The following PTN variants were observed in gnomAD, a reference collection of about 807,000 sequenced individuals.
The protein encoded by PTN is heparin affin regulatory protein.
In PTN, 18 loss-of-function variants were observed where a neutral mutation model predicts 24.1. The observed-to-expected ratio is 0.75, with a 90% confidence interval of 0.52 to 1.11. PTN has a LOEUF of 1.11. Ranked by LOEUF, PTN falls within the 50% of genes least tolerant of loss-of-function variation. The pLI is 0.00. For missense variants in PTN, 163 were observed against 198.8 expected (o/e 0.82, Z 1.08); for synonymous variants, 78 against 68.6 (o/e 1.14, Z -0.67).
chr7:137,293,839 A>G (rs1186955739), intron 1 of PTN, among the ~76,000 whole-genome samples: 2 of 152,102 alleles, frequency 1.3e-5, no homozygotes, highest in African/African-American at 4.8e-5. Flanking sequence ...CGTACATTCT[A>G]TGGATTTGGA....
intron 1 of PTN, among the ~76,000 whole-genome samples, chr7:137,325,051 G>A (rs1323485679): frequency 2.0e-5 from 3 of 152,158 alleles, no homozygotes; most frequent in African/African-American, 7.2e-5. Flanking sequence ...AAAGGAAACA[G>A]ATAAGGCAGA....
At chr7:137,306,965 C>T (rs891946411) in intron 1 of PTN, among the ~76,000 whole-genome samples, 2 of 151,960 alleles carry the variant, frequency 1.3e-5, no homozygotes, top group Non-Finnish European at 1.5e-5. Flanking sequence ...GCCAGTGCCT[C>T]GCATTCCTCA....
intron 4 of PTN, among the ~76,000 whole-genome samples, chr7:137,230,821 A>G (rs1808414387): frequency 6.6e-6 from 1 of 151,894 alleles, no homozygotes; most frequent in African/African-American, 2.4e-5. Context: ...TAGATGAAGA[A>G]ACTGAAACAT....
intron 1 of PTN, among the ~76,000 whole-genome samples, chr7:137,299,561 C>T (rs1202212873): frequency 6.6e-6 from 1 of 151,786 alleles, no homozygotes; most frequent in Non-Finnish European, 1.5e-5. Flanking sequence ...AAGAAGCTTT[C>T]CTCATGACAC....
chr7:137,278,319 AAAAAAAAAAAAAAAAAAAAT>A (rs1226569095), intron 1 of PTN, among the ~76,000 whole-genome samples: 1 of 147,528 alleles, frequency 6.8e-6, no homozygotes, highest in Non-Finnish European at 1.5e-5. Flanking sequence ...AAAAAAAAAA[AAAAAAAAAAAAAAAAAAAAT>A]GACTACTAAT....
intron 4 of PTN, among the ~76,000 whole-genome samples, chr7:137,230,257 A>G (rs576610949): frequency 3.3e-5 from 5 of 151,996 alleles, no homozygotes; most frequent in African/African-American, 1.2e-4. Context: ...TCTGTCACCA[A>G]ATTCTTCTTG....
intron 1 of PTN, among the ~76,000 whole-genome samples, chr7:137,307,136 C>T (rs1585037944): frequency 6.6e-6 from 1 of 152,162 alleles, no homozygotes; most frequent in South Asian, 2.1e-4. Context: ...AAAGTTTGGG[C>T]TTTGGTTCAT....
At chr7:137,237,050 A>G (rs191996320) in intron 4 of PTN, among the ~76,000 whole-genome samples, 70 of 152,286 alleles carry the variant, frequency 4.6e-4, no homozygotes, top group Admixed American at 4.6e-3. Flanking sequence ...GTTAAATAGA[A>G]TCAGTTATTA....
intron 1 of PTN, among the ~76,000 whole-genome samples, chr7:137,262,619 C>A (rs547794013): frequency 2.0e-5 from 3 of 151,960 alleles, no homozygotes; most frequent in African/African-American, 7.2e-5. Flanking sequence ...AATCCGAGCT[C>A]CTCAGGTGCT....
chr7:137,329,539 G>A (rs1003845524), intron 1 of PTN, among the ~76,000 whole-genome samples: 1 of 152,140 alleles, frequency 6.6e-6, no homozygotes, highest in Non-Finnish European at 1.5e-5. Flanking sequence ...GAGCACTGAT[G>A]AGGGAACCAT....
At chr7:137,244,033 G>A (rs533950396) in intron 4 of PTN, among the ~76,000 whole-genome samples, 3 of 151,980 alleles carry the variant, frequency 2.0e-5, no homozygotes, top group Admixed American at 6.6e-5. Context: ...AGTAGATCTC[G>A]CTGTATCTAA....
intron 1 of PTN, among the ~76,000 whole-genome samples, chr7:137,322,770 C>A (rs747694996): frequency 3.9e-5 from 6 of 152,080 alleles, no homozygotes; most frequent in Non-Finnish European, 7.4e-5. Flanking sequence ...TCATCATACA[C>A]CTTTCTAGAT....
At chr7:137,271,701 G>A (rs770021223) in intron 1 of PTN, among the ~76,000 whole-genome samples, 1 of 152,114 alleles carries the variant, frequency 6.6e-6, no homozygotes, top group Non-Finnish European at 1.5e-5. Flanking sequence ...GAATTGTTTA[G>A]TTTCCTCCTA....
rs1049931091 is a variant in PTN at position 137,279,233 on chromosome 7, G to T, written c.-1-24259C>A. 3.3e-5 allele frequency among the ~76,000 whole-genome samples: 5 copies of T among 152,074 alleles called. No homozygotes were observed. In the South Asian group the frequency reaches 6.2e-4, roughly 19 times the overall value. ...ATCATAGCTAGTGATGTTTACTCTA[G>T]GATGCAAGGTTGATTTAACAATTGA... On this transcript the variant is annotated intron_variant, in intron 1 of 4. Transcript: ENST00000348225.
At chr7:137,293,721 C>T (rs547046169) in intron 1 of PTN, among the ~76,000 whole-genome samples, 6 of 152,080 alleles carry the variant, frequency 3.9e-5, no homozygotes, top group African/African-American at 9.7e-5. Context: ...TAACCTCCCC[C>T]GTGATCAGCA....
At chr7:137,308,555 G>A (rs748238404) in intron 1 of PTN, among the ~76,000 whole-genome samples, 28 of 152,136 alleles carry the variant, frequency 1.8e-4, no homozygotes, top group Non-Finnish European at 3.5e-4. Flanking sequence ...GGGTGTTGGG[G>A]TTCAGAGCTT....
At chr7:137,248,161 T>C (rs545654612) in intron 4 of PTN, among the ~76,000 whole-genome samples, 16 of 152,346 alleles carry the variant, frequency 1.1e-4, no homozygotes, top group Non-Finnish European at 2.1e-4. Context: ...ATTAGTAGAA[T>C]GTAAGCTATC....
rs948123950 is a variant in PTN, at chr7:137,233,410, T to G, written c.452-5335A>C. Among the ~76,000 whole-genome samples the G allele has an allele frequency of 5.9e-5, 9 of 151,926 alleles. No homozygotes were observed. In the South Asian group the frequency reaches 6.2e-4, roughly 10 times the overall value. ...TCATGTGAGATTATGTCCTCTGCAA[T>G]CTCATCTTACCACTAATGTTCAAAA... On this transcript the variant is annotated intron_variant, in intron 4 of 4. Coordinates refer to ENST00000348225, the MANE Select transcript of PTN (RefSeq NM_002825.7).
chr7:137,315,158 C>T (rs539749533), intron 1 of PTN, among the ~76,000 whole-genome samples: 71 of 152,138 alleles, frequency 4.7e-4, no homozygotes, highest in African/African-American at 1.6e-3. Context: ...AAATAGGATG[C>T]TAATAATTAT....
Sources: allele counts gnomAD v4.1 joint callset (sites outside exome capture counted in the v4.1 genomes callset), GRCh38; gene constraint gnomAD v4.1.1; transcripts MANE v1.5; gene names NCBI Gene and HGNC (gene_info 2026-07-23, HGNC 2026-07-21).